The following ARNT variants were observed in gnomAD, a reference collection of about 807,000 sequenced individuals.
ARNT encodes aryl hydrocarbon receptor nuclear translocator, also known as class E basic helix-loop-helix protein 2.
A neutral mutation model predicts 105.0 loss-of-function variants in ARNT; 30 were observed. The ratio of observed to expected loss-of-function variants is 0.29; its 90% CI spans 0.21 to 0.39. The LOEUF (loss-of-function observed/expected upper bound fraction) is 0.39, where lower values mean the gene tolerates loss of function less well. Ranked by LOEUF, ARNT falls within the 10% of genes least tolerant of loss-of-function variation. The probability of loss-of-function intolerance (pLI) is 1.00; values close to 1 mark genes in which losing one functional copy is unlikely to be tolerated. For missense variants in ARNT, 748 were observed against 978.7 expected, an observed-to-expected ratio of 0.76 and a Z score of 3.15; for synonymous variants, 304 against 344.0, an observed-to-expected ratio of 0.88 and a Z score of 1.29.
intron 9 of ARNT, 131 bp from the exon 10 acceptor site, chr1:150,832,034 C>A (rs962443414): frequency 4.1e-6 from 3 of 730,072 alleles, no homozygotes; most frequent in Non-Finnish European, 6.7e-6. Context: ...TCTTTCCCAC[C>A]CAAAAATGAC....
chr1:150,813,054 C>CTCACATAT, intron 21 of ARNT, 118 bp downstream of exon 21: 1 of 1,159,794 alleles, frequency 8.6e-7, no homozygotes, highest in Non-Finnish European at 1.2e-6. Flanking sequence ...TCTCTGTCTT[C>CTCACATAT]TCACATATAC....
At chr1:150,830,669 G>A (rs1193271945) in intron 10 of ARNT, among the ~76,000 whole-genome samples, 1 of 152,118 alleles carries the variant, frequency 6.6e-6, no homozygotes, top group East Asian at 1.9e-4. Flanking sequence ...AACTTTTAAA[G>A]TTAGCAAGCA....
intron 7 of ARNT, among the ~76,000 whole-genome samples, chr1:150,835,782 A>C (rs1660209165): frequency 1.3e-5 from 2 of 151,730 alleles, no homozygotes; most frequent in African/African-American, 4.8e-5. Context: ...AAGACTGAAC[A>C]TAATAAAATA....
At chr1:150,875,831 C>T (rs1330359523) in intron 1 of ARNT, among the ~76,000 whole-genome samples, 1 of 152,170 alleles carries the variant, frequency 6.6e-6, no homozygotes, top group Non-Finnish European at 1.5e-5. Context: ...ATTGCCTCGA[C>T]GTAGGCCTAA....
At chr1:150,837,991 G>C (rs2101928523) in intron 6 of ARNT, among the ~76,000 whole-genome samples, 1 of 152,042 alleles carries the variant, frequency 6.6e-6, no homozygotes, top group Non-Finnish European at 1.5e-5. Context: ...CCAATGCTTT[G>C]TCACTGTCCT....
intron 1 of ARNT, among the ~76,000 whole-genome samples, chr1:150,872,690 G>A (rs1384371025): frequency 6.6e-6 from 1 of 152,190 alleles, no homozygotes; most frequent in African/African-American, 2.4e-5. Flanking sequence ...GGCTGGGCAT[G>A]GTGGTCATGC....
chr1:150,848,729 G>A (rs1002448018), intron 3 of ARNT, among the ~76,000 whole-genome samples: 2 of 152,090 alleles, frequency 1.3e-5, no homozygotes, highest in African/African-American at 4.8e-5. Flanking sequence ...ATGGAGTTTT[G>A]CCATGTTGCC....
intron 12 of ARNT, among the ~76,000 whole-genome samples, chr1:150,827,953 A>G (rs1254262557): frequency 6.6e-6 from 1 of 152,184 alleles, no homozygotes; most frequent in Non-Finnish European, 1.5e-5. Flanking sequence ...GCATAAATGC[A>G]TATTTATTCT....
intron 1 of ARNT, among the ~76,000 whole-genome samples, chr1:150,865,657 C>T (rs1229780566): frequency 6.6e-6 from 1 of 152,168 alleles, no homozygotes; most frequent in African/African-American, 2.4e-5. Context: ...AATCAAAGGT[C>T]TTACAGTCTA....
intron 1 of ARNT, among the ~76,000 whole-genome samples, chr1:150,870,793 G>A (rs766337164): frequency 7.9e-5 from 12 of 152,016 alleles, no homozygotes; most frequent in Non-Finnish European, 1.0e-4. Flanking sequence ...ACAGGTATGA[G>A]CCACCATGTC....
intron 19 of ARNT, among the ~76,000 whole-genome samples, chr1:150,814,774 CAG>C (rs1203386835): frequency 2.0e-5 from 3 of 152,116 alleles, no homozygotes; most frequent in African/African-American, 7.2e-5. Flanking sequence ...ACCCGGGAGA[CAG>C]AGGTTGCAGT....
chr1:150,846,318 G>A lies in ARNT; in HGVS notation c.183-11C>T, dbSNP rs771712365. On this transcript the variant is annotated splice_polypyrimidine_tract_variant and intron_variant, in intron 3 of 21. Coordinates refer to ENST00000358595, the MANE Select transcript of ARNT (RefSeq NM_001668.4). The stretch of plus-strand genomic sequence containing the variant: ...TGATCATCATCACACCTGAAGGAGA[G>A]AAAAAGGATTGTTTCAAAGCATTAC... The A allele has an allele frequency of 1.2e-6, 2 of 1,613,018 alleles. No homozygotes were observed. The highest frequency in any genetic ancestry group is 1.1e-5 in the South Asian group (1 of 90,990).
chr1:150,823,878 C>T (rs1458825313), intron 13 of ARNT, among the ~76,000 whole-genome samples: 1 of 146,688 alleles, frequency 6.8e-6, no homozygotes, highest in East Asian at 2.1e-4. Flanking sequence ...GAGTCTCGCT[C>T]TGTCACCAGG....
At chr1:150,821,484 T>C (rs1195225076) in intron 14 of ARNT, among the ~76,000 whole-genome samples, 5 of 152,206 alleles carry the variant, frequency 3.3e-5, no homozygotes, top group Admixed American at 2.0e-4. Flanking sequence ...CTGGCAACAA[T>C]TGAGCAATAG....
intron 7 of ARNT, among the ~76,000 whole-genome samples, chr1:150,835,178 GA>G (rs1409637840): frequency 4.7e-5 from 7 of 147,522 alleles, no homozygotes; most frequent in Non-Finnish European, 7.5e-5. Flanking sequence ...ATTTTAAAAA[GA>G]AAAAAACCAA....
intron 2 of ARNT, among the ~76,000 whole-genome samples, chr1:150,858,119 G>A (rs764842202): frequency 1.3e-5 from 2 of 152,150 alleles, no homozygotes; most frequent in Middle Eastern, 3.4e-3. Context: ...TTTATCTTAC[G>A]GAAATTTTGG....
At chr1:150,855,475 T>C (rs1382043216) in intron 2 of ARNT, among the ~76,000 whole-genome samples, 3 of 151,530 alleles carry the variant, frequency 2.0e-5, no homozygotes, top group South Asian at 2.1e-4. Flanking sequence ...GGCAGGAGAA[T>C]AGCATGAACC....
At chr1:150,861,387 G>A in intron 1 of ARNT, 2 of 299,994 alleles carry the variant, frequency 6.7e-6, no homozygotes, top group Non-Finnish European at 1.3e-5. Context: ...TCCACCTCTG[G>A]GTATATACCT....
chr1:150,848,175 G>C (rs1350800873), intron 3 of ARNT, among the ~76,000 whole-genome samples: 1 of 152,204 alleles, frequency 6.6e-6, no homozygotes, highest in East Asian at 1.9e-4. Context: ...AAAGAGTTTT[G>C]AAGGTCCAGG....
Sources: allele counts gnomAD v4.1 joint callset (sites outside exome capture counted in the v4.1 genomes callset), GRCh38; gene constraint gnomAD v4.1.1; transcripts MANE v1.5; gene names NCBI Gene and HGNC (gene_info 2026-07-23, HGNC 2026-07-21).